SYCE1L: variants seen among roughly 807,000 people sequenced by gnomAD.
The protein encoded by SYCE1L is synaptonemal complex central element protein 1 like, also known as synaptonemal complex central element protein 1-like.
In SYCE1L, 51 loss-of-function variants were observed where a neutral mutation model predicts 39.6. The observed-to-expected ratio is 1.29, with a 90% CI of 1.03 to 1.63. The LOEUF is 1.63. SYCE1L is among the 40% of genes most tolerant of loss of function. The pLI, the probability that SYCE1L is intolerant of heterozygous loss-of-function variation, is 0.00. For missense variants in SYCE1L, 426 were observed against 304.9 expected (o/e 1.40, Z -2.96); for synonymous variants, 147 against 122.4 (o/e 1.20, Z -1.33).
intron 1 of SYCE1L, among the ~76,000 whole-genome samples, chr16:77,203,932 C>A (rs2054766116): frequency 6.6e-6 from 1 of 152,036 alleles, no homozygotes; most frequent in African/African-American, 2.4e-5. Context: ...AGTGAAACAA[C>A]ATCTCGCCCA....
chr16:77,209,180 C>G (rs1219007183), intron 5 of SYCE1L, 36 bp downstream of exon 5: 2 of 1,549,226 alleles, frequency 1.3e-6, no homozygotes, highest in Non-Finnish European at 1.7e-6. Flanking sequence ...TTATTCTACT[C>G]TTCCACCCCA....
Position 77,213,135 on chromosome 16 carries a change from GC to G in SYCE1L, c.*205del. The G allele has an allele frequency of 2.2e-6, 1 of 447,074 alleles. No homozygotes were observed. Among genetic ancestry groups the G allele is most frequent in the Non-Finnish European group, 3.9e-6 (1 of 258,808 alleles). The allele number at this position is 447,074 out of a possible 1,614,324, so 27.7% of individuals were successfully genotyped here. ...GGCGCCGTACAGAGGCTGGGTAAAT[GC>G]TCCTGAACTCAGAGAGAGTAAGTGG... On this transcript the variant is annotated 3_prime_UTR_variant, in exon 11 of 11. Coordinates refer to ENST00000378644, the MANE Select transcript of SYCE1L (RefSeq NM_001129979.3).
intron 7 of SYCE1L, among the ~76,000 whole-genome samples, chr16:77,211,603 T>C (rs2054822992): frequency 6.6e-6 from 1 of 152,112 alleles, no homozygotes; most frequent in East Asian, 1.9e-4. Flanking sequence ...CATTCCTTCA[T>C]TTAGCTAATG....
chr16:77,209,430 CCT>C lies in SYCE1L; in HGVS notation c.320_321del (p.Leu107ProfsTer77). Reference protein sequence around the residue: ...LGKKQEALRILQMHCQEKESE... With the variant: ...LGKKQEALRIXQMHCQEKESE... ...CCTTCCCCACAGAGGCACTGAGGAT[CCT>C]CCAGATGCACTGCCAAGAGAAGGAA... On this transcript the variant is annotated frameshift_variant, in exon 6 of 11. Coordinates refer to ENST00000378644, the MANE Select transcript of SYCE1L (RefSeq NM_001129979.3). LOFTEE classifies it high-confidence loss of function. The C allele has an allele frequency of 6.4e-7, 1 of 1,551,692 alleles. No homozygotes were observed. Among genetic ancestry groups the C allele is most frequent in the African/African-American group, 1.4e-5 (1 of 73,170 alleles).
intron 1 of SYCE1L, chr16:77,201,803 A>C (rs2054746298): frequency 6.6e-6 from 1 of 152,196 alleles, no homozygotes; most frequent in South Asian, 2.1e-4. Flanking sequence ...ATAAGTTCTA[A>C]TTTAAATGTA....
chr16:77,206,091 T>C (rs2054783898), intron 1 of SYCE1L, among the ~76,000 whole-genome samples: 2 of 152,190 alleles, frequency 1.3e-5, no homozygotes, highest in Admixed American at 6.5e-5. Flanking sequence ...TCATATGAAA[T>C]CTTCCTGCCC....
intron 1 of SYCE1L, chr16:77,202,463 T>G (rs989945819): frequency 6.6e-6 from 1 of 152,210 alleles, no homozygotes; most frequent in Non-Finnish European, 1.5e-5. Context: ...AAATGTTAGT[T>G]GGATTATTTA....
intron 7 of SYCE1L, 75 bp from the exon 8 acceptor site, chr16:77,212,055 A>G (rs1200426160): frequency 1.6e-5 from 23 of 1,458,970 alleles, no homozygotes; most frequent in Non-Finnish European, 2.1e-5. Context: ...CTTCGCGAGA[A>G]GCACAAAAGG....
rs1355630609 is a variant in SYCE1L at position 77,211,374 on chromosome 16, G to T, written c.423+98G>T. On this transcript the variant is annotated intron_variant, in intron 7 of 10. Transcript: ENST00000378644. ...TCCACCCCTGCCCAGGCTCAATGCCGCGGGATAGTCCTTGATTCCTTGCTT... is the reference window on the plus strand; with the variant it reads ...TCCACCCCTGCCCAGGCTCAATGCCTCGGGATAGTCCTTGATTCCTTGCTT... 3 of 1,379,188 alleles carry T rather than the reference G, an allele frequency of 2.2e-6. No individual in the cohort carries two copies. In the South Asian group the frequency reaches 3.7e-5, roughly 17 times the overall value. 85.4% of individuals were successfully genotyped at this position (1,379,188 alleles called of 1,614,324 possible).
intron 1 of SYCE1L, chr16:77,201,071 T>C (rs1451402411): frequency 6.6e-6 from 1 of 152,242 alleles, no homozygotes. Context: ...ACCTAGGATG[T>C]GAGCTCCATG....
At chr16:77,207,839 C>A (rs1243910801) in intron 2 of SYCE1L, among the ~76,000 whole-genome samples, 2 of 152,188 alleles carry the variant, frequency 1.3e-5, no homozygotes, top group African/African-American at 4.8e-5. Context: ...TTGCACTCTG[C>A]CTGGAATGGG....
intron 1 of SYCE1L, chr16:77,201,291 CTG>C (rs2142510034): frequency 1.3e-5 from 2 of 152,248 alleles, no homozygotes; most frequent in South Asian, 2.1e-4. Flanking sequence ...CATTTATTAA[CTG>C]TGTAATGCAG....
At chr16:77,203,358 T>C (rs2054760117) in intron 1 of SYCE1L, among the ~76,000 whole-genome samples, 1 of 151,946 alleles carries the variant, frequency 6.6e-6, no homozygotes, top group Non-Finnish European at 1.5e-5. Flanking sequence ...GTGTTTATTA[T>C]GTAATTTAAA....
chr16:77,209,344 G>A lies in SYCE1L; in HGVS notation c.305-73G>A, dbSNP rs552810183. ...TGCCCTCCAATGCCTGACATGATGTGGGGCCTATTACCTCTGGCCAACCCT... is the reference window on the plus strand; with the variant it reads ...TGCCCTCCAATGCCTGACATGATGTAGGGCCTATTACCTCTGGCCAACCCT... On this transcript the variant is annotated intron_variant, in intron 5 of 10. Coordinates refer to ENST00000378644, the MANE Select transcript of SYCE1L (RefSeq NM_001129979.3). The A allele has an allele frequency of 3.6e-5, 53 of 1,479,246 alleles. No homozygotes were observed. In the East Asian group the frequency reaches 8.1e-4, roughly 23 times the overall value. The allele number at this position is 1,479,246 out of a possible 1,614,324, so 91.6% of individuals were successfully genotyped here. A position where few individuals can be genotyped will look rare whatever the true frequency, so the allele number is the denominator to read the frequency against.
intron 3 of SYCE1L, 87 bp from the exon 4 acceptor site, chr16:77,208,378 A>G: frequency 6.5e-7 from 1 of 1,543,458 alleles, no homozygotes; most frequent in Non-Finnish European, 8.8e-7. Flanking sequence ...GGGTTGTTTG[A>G]AGATGACTGT....
intron 1 of SYCE1L, among the ~76,000 whole-genome samples, chr16:77,204,688 A>G (rs2054772859): frequency 6.6e-6 from 1 of 152,216 alleles, no homozygotes; most frequent in African/African-American, 2.4e-5. Flanking sequence ...ACTGGTGTAC[A>G]TTGTCAAATG....
At chr16:77,206,673 A>G (rs1340375444) in intron 2 of SYCE1L, among the ~76,000 whole-genome samples, 173 bp downstream of exon 2, 2 of 152,206 alleles carry the variant, frequency 1.3e-5, no homozygotes, top group Admixed American at 6.5e-5. Context: ...TCAAAATTCA[A>G]GAAGTTTAAA....
At chr16:77,200,158 C>G (rs1484750458) in intron 1 of SYCE1L, 1 of 150,002 alleles carries the variant, frequency 6.7e-6, no homozygotes, top group Admixed American at 6.7e-5. Flanking sequence ...GGTGAAACAC[C>G]ATCTCTACTA....
chr16:77,208,565 A>T, intron 4 of SYCE1L, 26 bp downstream of exon 4: 1 of 1,550,434 alleles, frequency 6.4e-7, no homozygotes. Flanking sequence ...AGAGGGACCC[A>T]TCAACACTGC....
Sources: gnomAD v4.1 joint callset for allele counts (sites outside exome capture counted in the v4.1 genomes callset) on GRCh38, gnomAD v4.1.1 for gene constraint, MANE v1.5 for transcripts, NCBI Gene and HGNC (gene_info 2026-07-23, HGNC 2026-07-21) for gene names.